RAP1A: variants seen among roughly 807,000 people sequenced by gnomAD.
RAP1A encodes the protein RAP1A, member of RAS oncogene family.
RAP1A carries 6 observed loss-of-function variants against 26.4 expected under a neutral mutation model. That is an observed-to-expected ratio of 0.23 (90% CI 0.12 to 0.45). The LOEUF (loss-of-function observed/expected upper bound fraction) is 0.45, where lower values mean the gene tolerates loss of function less well. RAP1A is among the 20% of genes least tolerant of loss of function. RAP1A has a pLI of 0.99. For synonymous variants in RAP1A, 73 were observed against 79.4 expected (o/e 0.92, Z 0.43); for missense variants, 121 against 217.2 (o/e 0.56, Z 2.78).
chr1:111,615,829 CAAAAA>C (rs34751097), upstream of RAP1A, among the ~76,000 whole-genome samples: 2 of 86,224 alleles, frequency 2.3e-5, no homozygotes, highest in Non-Finnish European at 4.8e-5. Flanking sequence ...GACTCTGTCT[CAAAAA>C]AAAAAAAAAA....
intron 1 of RAP1A, among the ~76,000 whole-genome samples, chr1:111,684,267 C>T (rs1015893441): frequency 1.8e-4 from 27 of 151,728 alleles, no homozygotes; most frequent in African/African-American, 6.5e-4. Flanking sequence ...AAGGTGCCCT[C>T]TCACCACATA....
At chr1:111,656,133 A>G (rs1660451399) in intron 1 of RAP1A, among the ~76,000 whole-genome samples, 1 of 152,174 alleles carries the variant, frequency 6.6e-6, no homozygotes, top group Non-Finnish European at 1.5e-5. Flanking sequence ...GCCCAGCAAG[A>G]AGGATAGTTA....
chr1:111,582,886 C>G (rs1658285528), intron 1 of RAP1A, among the ~76,000 whole-genome samples: 1 of 152,338 alleles, frequency 6.6e-6, no homozygotes, highest in East Asian at 1.9e-4. Flanking sequence ...TTACTCCCAC[C>G]TAGGCCAGAG....
At chr1:111,606,030 A>T (rs1194165826) in intron 1 of RAP1A, among the ~76,000 whole-genome samples, 2 of 152,222 alleles carry the variant, frequency 1.3e-5, no homozygotes, top group Non-Finnish European at 1.5e-5. Flanking sequence ...GCCTCTGCGC[A>T]GTTTCCCTGG....
chr1:111,686,181 G>C (rs1661470585), intron 1 of RAP1A, among the ~76,000 whole-genome samples: 1 of 152,072 alleles, frequency 6.6e-6, no homozygotes, highest in Non-Finnish European at 1.5e-5. Context: ...GTAGATGACA[G>C]GTTGATGGGT....
At chr1:111,710,474 G>A (rs1662342329) in intron 7 of RAP1A, among the ~76,000 whole-genome samples, 1 of 152,148 alleles carries the variant, frequency 6.6e-6, no homozygotes. Flanking sequence ...TCATGGAGTG[G>A]ATTTATTACA....
chr1:111,557,660 G>C (rs1327837993), intron 1 of RAP1A, among the ~76,000 whole-genome samples: 1 of 152,132 alleles, frequency 6.6e-6, no homozygotes, highest in African/African-American at 2.4e-5. Context: ...ATTCTGAGAA[G>C]TAGAATGATA....
intron 1 of RAP1A, among the ~76,000 whole-genome samples, chr1:111,544,797 T>C (rs1027273061): frequency 6.8e-6 from 1 of 147,754 alleles, no homozygotes; most frequent in Non-Finnish European, 1.5e-5. Context: ...CTTGGGTATA[T>C]CCAATTTGGT....
intron 1 of RAP1A, chr1:111,563,944 C>A (rs1213018903): frequency 1.2e-6 from 2 of 1,613,468 alleles, no homozygotes; most frequent in East Asian, 2.2e-5. Context: ...CTGCTGGAGA[C>A]CCTTCCATTG....
At chr1:111,571,717 C>T (rs977519764) in intron 1 of RAP1A, among the ~76,000 whole-genome samples, 4 of 152,160 alleles carry the variant, frequency 2.6e-5, no homozygotes, top group Non-Finnish European at 5.9e-5. Flanking sequence ...TAAGAAATCC[C>T]TTATCTCTAA....
At chr1:111,568,103 T>G (rs1657964039) in intron 1 of RAP1A, among the ~76,000 whole-genome samples, 1 of 152,226 alleles carries the variant, frequency 6.6e-6, no homozygotes, top group Non-Finnish European at 1.5e-5. Context: ...ACATTGGGCT[T>G]TATTCCTTCC....
In RAP1A at chr1:111,703,402, A is replaced by G. The variant is rs773760306; in HGVS notation, c.250A>G (p.Ile84Val). ...CCAAGGTTTTGCACTAGTATATTCT[A>G]TTACAGCTCAGTCCACGTTTAACGA... ...NGQGFALVYS[I>V]TAQSTFNDLQ... The change falls in exon 5 of 8, where the codon ATT (isoleucine) becomes GTT (valine). Residue 84 changes from isoleucine (I) to valine (V), a missense_variant. Ile to Val is a conservative substitution (Grantham distance 29). Coordinates refer to ENST00000369709, the MANE Select transcript of RAP1A (RefSeq NM_002884.4). 12 of 1,605,424 alleles carry G rather than the reference A, an allele frequency of 7.5e-6. No homozygotes were observed. Among genetic ancestry groups the G allele is most frequent in the Admixed American group, 1.7e-5 (1 of 59,382 alleles).
At chr1:111,629,443 T>C (rs1421249550) in intron 1 of RAP1A, among the ~76,000 whole-genome samples, 1 of 152,146 alleles carries the variant, frequency 6.6e-6, no homozygotes, top group Non-Finnish European at 1.5e-5. Context: ...TCACATGAAC[T>C]GTGAATTGTC....
At chr1:111,631,053 G>A (rs1479724300) in intron 1 of RAP1A, among the ~76,000 whole-genome samples, 1 of 152,136 alleles carries the variant, frequency 6.6e-6, no homozygotes, top group Non-Finnish European at 1.5e-5. Context: ...TGAAAATTGT[G>A]CATTTACCCT....
At chr1:111,648,124 G>A (rs1282535177) in intron 1 of RAP1A, among the ~76,000 whole-genome samples, 1 of 150,688 alleles carries the variant, frequency 6.6e-6, no homozygotes, top group Non-Finnish European at 1.5e-5. Flanking sequence ...AGGCTGGAGT[G>A]CAGTGGCACA....
intron 1 of RAP1A, among the ~76,000 whole-genome samples, chr1:111,593,881 T>A (rs1361845070): frequency 6.6e-6 from 1 of 151,970 alleles, no homozygotes; most frequent in Non-Finnish European, 1.5e-5. Context: ...TCCGGGAGAA[T>A]CTTTTGAAAA....
At chr1:111,614,924 C>T (rs182490150), upstream of RAP1A, among the ~76,000 whole-genome samples, 544 of 152,142 alleles carry the variant, frequency 3.6e-3, 2 homozygotes, top group Non-Finnish European at 5.8e-3. Context: ...CATATAAGTG[C>T]CATAGGTGTG....
At chr1:111,585,875 C>T (rs1044523815) in intron 1 of RAP1A, among the ~76,000 whole-genome samples, 1 of 152,154 alleles carries the variant, frequency 6.6e-6, no homozygotes, top group African/African-American at 2.4e-5. Context: ...TGACAGAATA[C>T]CCTAACTATA....
At chr1:111,654,594 G>A (rs1660390697) in intron 1 of RAP1A, among the ~76,000 whole-genome samples, 1 of 152,014 alleles carries the variant, frequency 6.6e-6, no homozygotes, top group South Asian at 2.1e-4. Context: ...TTATAGAATT[G>A]TTTTAAATAA....
Sources: allele counts gnomAD v4.1 joint callset (sites outside exome capture counted in the v4.1 genomes callset), GRCh38; gene constraint gnomAD v4.1.1; transcripts MANE v1.5; gene names NCBI Gene and HGNC (gene_info 2026-07-23, HGNC 2026-07-21).